Variants in DAB1 observed in about 807,000 individuals in gnomAD.
DAB1 encodes disabled homolog 1.
Under a neutral mutation model 64.6 loss-of-function variants are expected in DAB1, and 15 were observed. The ratio of observed to expected loss-of-function variants is 0.23; its 90% CI spans 0.16 to 0.36. The LOEUF (loss-of-function observed/expected upper bound fraction) is 0.36, where lower values mean the gene tolerates loss of function less well. Ranked by LOEUF, DAB1 falls within the 10% of genes least tolerant of loss-of-function variation. The probability of loss-of-function intolerance (pLI) is 1.00; values close to 1 mark genes in which losing one functional copy is unlikely to be tolerated. For missense variants in DAB1, 596 were observed against 706.7 expected (o/e 0.84, Z 1.78); for synonymous variants, 235 against 251.9 (o/e 0.93, Z 0.64).
intron 7 of DAB1, chr1:57,605,892 A>G: frequency 3.0e-6 from 2 of 664,880 alleles, no homozygotes; most frequent in Non-Finnish European, 5.6e-6. Context: ...CTAGCTCAGT[A>G]CTGATGGAAG....
intron 7 of DAB1, among the ~76,000 whole-genome samples, chr1:57,585,354 A>G (rs1645366410): frequency 6.6e-6 from 1 of 151,918 alleles, no homozygotes; most frequent in Non-Finnish European, 1.5e-5. Flanking sequence ...TAAAGATTAT[A>G]CCACTGTACT....
chr1:57,495,336 C>G (rs1644217713), intron 7 of DAB1, among the ~76,000 whole-genome samples: 1 of 152,136 alleles, frequency 6.6e-6, no homozygotes, highest in African/African-American at 2.4e-5. Flanking sequence ...TTGTTTCCTA[C>G]TTAGTAAGAA....
chr1:57,438,572 C>T (rs12084645), intron 7 of DAB1, among the ~76,000 whole-genome samples: 46,417 of 151,754 alleles, frequency 0.31, 7,547 homozygotes, highest in East Asian at 0.43. Flanking sequence ...CTCTATTTTC[C>T]AGCAAAATAA....
At chr1:58,269,385 G>A (rs1466140925) in intron 4 of DAB1, among the ~76,000 whole-genome samples, 55 of 149,974 alleles carry the variant, frequency 3.7e-4, no homozygotes, top group African/African-American at 1.2e-3. Context: ...TGGTGTATAT[G>A]TGCCACATTT....
chr1:58,250,073 G>C lies in DAB1; in HGVS notation n.309+93279C>G, dbSNP rs946098552. Among the ~76,000 whole-genome samples the C allele has an allele frequency of 3.3e-5, 5 of 152,156 alleles. No homozygotes were observed. In the South Asian group the frequency reaches 1.0e-3, roughly 32 times the overall value. ...GGCTCCCTCGCGGCCGCGAGAGCTC[G>C]GCGCCCGACCCACAGTAGGCAGTGC... is the stretch of plus-strand genomic sequence containing the variant. On this transcript the variant is annotated intron_variant and non_coding_transcript_variant, in intron 4 of 20. Coordinates refer to the DAB1 transcript ENST00000485760.
intron 4 of DAB1, among the ~76,000 whole-genome samples, chr1:58,300,656 GGAAGGAAGGAAGGA>G (rs1662145596): frequency 8.8e-5 from 9 of 102,458 alleles, no homozygotes; most frequent in African/African-American, 3.9e-4. Context: ...GAGGAAGGAA[GGAAGGAAGGAAGGA>G]AGGAAGGAAG....
intron 7 of DAB1, among the ~76,000 whole-genome samples, chr1:57,549,021 G>A (rs1644886012): frequency 6.6e-6 from 1 of 152,168 alleles, no homozygotes; most frequent in African/African-American, 2.4e-5. Flanking sequence ...CTATACTCTA[G>A]TCCAGTGTTT....
chr1:58,073,049 A>G (rs1649373499), intron 5 of DAB1, among the ~76,000 whole-genome samples: 1 of 152,168 alleles, frequency 6.6e-6, no homozygotes, highest in African/African-American at 2.4e-5. Context: ...TATTATAGCT[A>G]TTTTATAATG....
chr1:57,265,937 C>G (rs1333194087), intron 2 of DAB1, among the ~76,000 whole-genome samples: 2 of 152,124 alleles, frequency 1.3e-5, no homozygotes, highest in African/African-American at 4.8e-5. Flanking sequence ...AATAATTTCT[C>G]CAGCTCCTCT....
chr1:57,243,401 C>T (rs1444934540), intron 2 of DAB1, among the ~76,000 whole-genome samples: 3 of 152,132 alleles, frequency 2.0e-5, no homozygotes, highest in African/African-American at 7.2e-5. Flanking sequence ...TTTCCCAATA[C>T]TTTTTGCCCC....
At chr1:57,295,085 G>A (rs1486410623) in intron 1 of DAB1, among the ~76,000 whole-genome samples, 3 of 152,148 alleles carry the variant, frequency 2.0e-5, no homozygotes, top group African/African-American at 7.2e-5. Flanking sequence ...GGGGCATAAG[G>A]TTGAGGAACT....
intron 7 of DAB1, among the ~76,000 whole-genome samples, chr1:57,529,933 C>T (rs530103060): frequency 3.9e-5 from 6 of 152,070 alleles, no homozygotes; most frequent in Non-Finnish European, 8.8e-5. Context: ...ATTCAATACA[C>T]ATTTATCAAG....
chr1:57,503,906 A>AT (rs1338065071), intron 7 of DAB1, among the ~76,000 whole-genome samples: 1 of 152,160 alleles, frequency 6.6e-6, no homozygotes, highest in East Asian at 1.9e-4. Context: ...CCTGGGTTGC[A>AT]GGGGGGTCTT....
At chr1:58,171,866 T>TCTA (rs1656193387) in intron 4 of DAB1, among the ~76,000 whole-genome samples, 1 of 152,220 alleles carries the variant, frequency 6.6e-6, no homozygotes, top group Admixed American at 6.5e-5. Context: ...GTACAAGGCA[T>TCTA]CTAGGTTGAA....
chr1:57,933,753 G>A (rs1472048438), intron 5 of DAB1, among the ~76,000 whole-genome samples: 2 of 152,154 alleles, frequency 1.3e-5, no homozygotes, highest in Non-Finnish European at 2.9e-5. Context: ...TTGCAGAACT[G>A]CTGGGTCATT....
chr1:57,551,679 G>C (rs1644915660), intron 7 of DAB1, among the ~76,000 whole-genome samples: 1 of 152,144 alleles, frequency 6.6e-6, no homozygotes, highest in African/African-American at 2.4e-5. Context: ...GCCTTTTAAA[G>C]AGCTTGGCTC....
At chr1:57,307,543 G>A (rs1674295429) in intron 1 of DAB1, among the ~76,000 whole-genome samples, 1 of 150,684 alleles carries the variant, frequency 6.6e-6, no homozygotes, top group African/African-American at 2.4e-5. Context: ...CATCCGCTGA[G>A]TCTAGGCCAC....
At position 57,226,680 on chromosome 1, in the gene DAB1, T is replaced by A. The variant is rs867224292; in HGVS notation, c.67+64284A>T. ...AAAGTGGTTAAAAAAAAAATATATA[T>A]ATATATATATATATATATCAGTGTT... On this transcript the variant is annotated intron_variant, in intron 2 of 14. Coordinates refer to ENST00000371236, the MANE Select transcript of DAB1 (RefSeq NM_001365792.1). 5.4e-3 allele frequency among the ~76,000 whole-genome samples: 768 copies of A among 141,710 alleles called. 13 individuals carry two copies. In the East Asian group the frequency reaches 0.06, roughly 11 times the overall value. The allele number at this position is 141,710 out of a possible 152,430, so 93.0% of individuals were successfully genotyped here.
At chr1:56,998,797 G>C (rs546231060) in intron 14 of DAB1, among the ~76,000 whole-genome samples, 1 of 152,078 alleles carries the variant, frequency 6.6e-6, no homozygotes. Context: ...TGCACCCAGG[G>C]GGCTGTCCTG....
Sources: gnomAD v4.1 joint callset for allele counts (sites outside exome capture counted in the v4.1 genomes callset) on GRCh38, gnomAD v4.1.1 for gene constraint, MANE v1.5 for transcripts, NCBI Gene and HGNC (gene_info 2026-07-23, HGNC 2026-07-21) for gene names.